Variants in SYNPR observed in about 807,000 individuals in gnomAD.
The protein encoded by SYNPR is synaptoporin.
In SYNPR, 23 loss-of-function variants were observed where a neutral mutation model predicts 32.9. That is an observed-to-expected ratio of 0.70 (90% CI 0.50 to 0.99). The LOEUF (loss-of-function observed/expected upper bound fraction) is 0.99. Among genes scored for constraint, SYNPR ranks in the 50% least tolerant of loss-of-function variants. The probability of loss-of-function intolerance (pLI) is 0.00; values close to 1 mark genes in which losing one functional copy is unlikely to be tolerated. For missense variants in SYNPR, 318 were observed against 349.3 expected, an observed-to-expected ratio of 0.91 and a Z score of 0.71; for synonymous variants, 146 against 135.9, an observed-to-expected ratio of 1.07 and a Z score of -0.52.
intron 2 of SYNPR, among the ~76,000 whole-genome samples, chr3:63,415,004 G>A (rs1364913037): frequency 1.3e-5 from 2 of 152,054 alleles, no homozygotes; most frequent in Non-Finnish European, 2.9e-5. Context: ...AAATTTTCAA[G>A]GATTTTATGA....
At chr3:63,440,627 G>A (rs1353990240) in intron 2 of SYNPR, among the ~76,000 whole-genome samples, 2 of 152,148 alleles carry the variant, frequency 1.3e-5, no homozygotes, top group Admixed American at 6.5e-5. Context: ...AACCCAACCA[G>A]CAGATTAGAA....
chr3:63,391,124 C>A (rs1560214486), intron 2 of SYNPR, among the ~76,000 whole-genome samples: 1 of 152,188 alleles, frequency 6.6e-6, no homozygotes, highest in Non-Finnish European at 1.5e-5. Context: ...CTAGGGATAG[C>A]TCTTCCTGGA....
chr3:63,332,708 T>C (rs1358347135), intron 2 of SYNPR, among the ~76,000 whole-genome samples: 1 of 152,158 alleles, frequency 6.6e-6, no homozygotes, highest in East Asian at 1.9e-4. Flanking sequence ...TTATAAACAG[T>C]GAATTGAAGC....
chr3:63,476,327 A>AGGGAAGGGAAGGAAGGC (rs1426831816), intron 2 of SYNPR, among the ~76,000 whole-genome samples: 5 of 129,588 alleles, frequency 3.9e-5, no homozygotes, highest in East Asian at 2.6e-4. Context: ...GAAGCAAGGG[A>AGGGAAGGGAAGGAAGGC]AGGAAGGGAA....
At chr3:63,421,009 T>C (rs1699788697) in intron 2 of SYNPR, among the ~76,000 whole-genome samples, 1 of 152,126 alleles carries the variant, frequency 6.6e-6, no homozygotes, top group African/African-American at 2.4e-5. Flanking sequence ...GCCTTCCAAC[T>C]AGCTGTAACT....
At chr3:63,480,035 A>G (rs1421497716) in intron 2 of SYNPR, among the ~76,000 whole-genome samples, 1 of 152,242 alleles carries the variant, frequency 6.6e-6, no homozygotes, top group Non-Finnish European at 1.5e-5. Flanking sequence ...TAGCCAAATT[A>G]TGAAATGAAC....
chr3:63,408,186 GA>G (rs879471798), intron 2 of SYNPR, among the ~76,000 whole-genome samples: 3 of 95,290 alleles, frequency 3.1e-5, no homozygotes, highest in Non-Finnish European at 6.3e-5. Context: ...AAGAAAGAAA[GA>G]AAGAAAGAGG....
chr3:63,307,198 C>A (rs1286065345), intron 2 of SYNPR, among the ~76,000 whole-genome samples: 1 of 151,732 alleles, frequency 6.6e-6, no homozygotes, highest in Non-Finnish European at 1.5e-5. Context: ...AAATAGAGAC[C>A]CAGAGGGTAA....
chr3:63,280,626 A>G (rs1487446508), intron 2 of SYNPR, among the ~76,000 whole-genome samples: 1 of 151,896 alleles, frequency 6.6e-6, no homozygotes, highest in African/African-American at 2.4e-5. Flanking sequence ...TGAATGATTC[A>G]CCTCGTTCTT....
At chr3:63,332,897 C>T (rs1294078036) in intron 2 of SYNPR, among the ~76,000 whole-genome samples, 1 of 151,994 alleles carries the variant, frequency 6.6e-6, no homozygotes, top group Non-Finnish European at 1.5e-5. Flanking sequence ...TGGAGGCTGC[C>T]CTGAGTTTGT....
At chr3:63,209,149 T>C in the SYNPR span, among the ~76,000 whole-genome samples, 1 of 152,050 alleles carries the variant, frequency 6.6e-6, no homozygotes, top group East Asian at 1.9e-4. Flanking sequence ...AAACCCCGTC[T>C]CTACTAAAAA....
chr3:63,247,751 G>A (rs1252250949), intron 1 of SYNPR, among the ~76,000 whole-genome samples: 1 of 152,028 alleles, frequency 6.6e-6, no homozygotes, highest in Non-Finnish European at 1.5e-5. Context: ...TAAGGGAAAG[G>A]CATTTTACCC....
At chr3:63,485,531 G>C (rs1440269267) in intron 3 of SYNPR, among the ~76,000 whole-genome samples, 1 of 152,168 alleles carries the variant, frequency 6.6e-6, no homozygotes, top group Non-Finnish European at 1.5e-5. Flanking sequence ...TGGAGAGAAA[G>C]TGTGTCGAGC....
At chr3:63,408,522 A>G (rs1330484746) in intron 2 of SYNPR, among the ~76,000 whole-genome samples, 1 of 152,066 alleles carries the variant, frequency 6.6e-6, no homozygotes, top group Non-Finnish European at 1.5e-5. Context: ...GAGAACCACG[A>G]GAGCTGATAG....
chr3:63,253,706 T>G (rs2086357254), intron 2 of SYNPR, among the ~76,000 whole-genome samples: 1 of 152,204 alleles, frequency 6.6e-6, no homozygotes, highest in Non-Finnish European at 1.5e-5. Flanking sequence ...AGAACACTTT[T>G]ACACTGTTGG....
intron 3 of SYNPR, among the ~76,000 whole-genome samples, chr3:63,521,952 G>C (rs1701923847): frequency 1.3e-5 from 2 of 152,186 alleles, no homozygotes; most frequent in African/African-American, 4.8e-5. Context: ...GAGGACAAAA[G>C]AGCAGGTTGA....
intron 2 of SYNPR, among the ~76,000 whole-genome samples, chr3:63,407,354 G>C (rs1477945535): frequency 6.6e-6 from 1 of 152,200 alleles, no homozygotes; most frequent in Admixed American, 6.5e-5. Flanking sequence ...GTTATGAACA[G>C]CTTATCATTT....
At chr3:63,280,725 GGTGTGT>G (rs144039056) in intron 2 of SYNPR, among the ~76,000 whole-genome samples, 1 of 149,896 alleles carries the variant, frequency 6.7e-6, no homozygotes, top group African/African-American at 2.5e-5. Context: ...TTGGGGGAGG[GGTGTGT>G]GTGTGTGTGT....
intron 2 of SYNPR, chr3:63,427,648 G>C (rs1475878135): frequency 6.6e-6 from 1 of 152,256 alleles, no homozygotes; most frequent in Non-Finnish European, 1.5e-5. Flanking sequence ...CAATGGAGGA[G>C]TGGGTGGAAA....
Sources: gnomAD v4.1 joint callset for allele counts (sites outside exome capture counted in the v4.1 genomes callset) on GRCh38, gnomAD v4.1.1 for gene constraint, MANE v1.5 for transcripts, NCBI Gene and HGNC (gene_info 2026-07-23, HGNC 2026-07-21) for gene names.